Variants in ROBO2 observed in about 807,000 individuals in gnomAD.
The protein encoded by ROBO2 is roundabout homolog 2.
Under a neutral mutation model 160.8 loss-of-function variants are expected in ROBO2, and 53 were observed. The ratio of observed to expected loss-of-function variants is 0.33; its 90% confidence interval spans 0.26 to 0.41. The LOEUF (loss-of-function observed/expected upper bound fraction) is 0.41. Among genes scored for constraint, ROBO2 ranks in the 10% least tolerant of loss-of-function variants. The pLI is 1.00. For missense variants in ROBO2, 1,577 were observed against 1,722.4 expected (o/e 0.92, Z 1.49); for synonymous variants, 664 against 611.7 (o/e 1.09, Z -1.26).
intron 2 of ROBO2, among the ~76,000 whole-genome samples, chr3:75,995,224 C>T (rs1186725536): frequency 6.6e-6 from 1 of 152,106 alleles, no homozygotes; most frequent in Non-Finnish European, 1.5e-5. Flanking sequence ...TCACAGCAGC[C>T]CTTCCCATCA....
intron 2 of ROBO2, among the ~76,000 whole-genome samples, chr3:76,779,636 A>G (rs1164706524): frequency 1.3e-5 from 2 of 151,052 alleles, no homozygotes; most frequent in Non-Finnish European, 3.0e-5. Context: ...TTCACTTGGC[A>G]TAATGTCCTC....
At chr3:76,894,470 A>G (rs2074611013) in intron 2 of ROBO2, among the ~76,000 whole-genome samples, 1 of 152,122 alleles carries the variant, frequency 6.6e-6, no homozygotes, top group African/African-American at 2.4e-5. Context: ...AGGTAAAATA[A>G]TTTCTCATTG....
At chr3:76,282,004 T>G (rs1708257849) in intron 2 of ROBO2, among the ~76,000 whole-genome samples, 1 of 152,052 alleles carries the variant, frequency 6.6e-6, no homozygotes. Context: ...GATAAGACTT[T>G]AAAGTTACAT....
intron 2 of ROBO2, among the ~76,000 whole-genome samples, chr3:77,181,981 T>C (rs555320270): frequency 6.6e-6 from 1 of 152,210 alleles, no homozygotes; most frequent in South Asian, 2.1e-4. Context: ...ACAAAATCAG[T>C]ATGATTTTAG....
At chr3:76,215,282 T>A (rs1477436696) in intron 2 of ROBO2, among the ~76,000 whole-genome samples, 1 of 152,134 alleles carries the variant, frequency 6.6e-6, no homozygotes, top group Non-Finnish European at 1.5e-5. Flanking sequence ...ATGCAGCTCA[T>A]CACCAGCAAT....
intron 2 of ROBO2, among the ~76,000 whole-genome samples, chr3:77,135,245 G>C (rs2076185048): frequency 6.6e-6 from 1 of 152,086 alleles, no homozygotes; most frequent in African/African-American, 2.4e-5. Flanking sequence ...CTAGTTTTAG[G>C]ATATGAAGAG....
chr3:77,163,603 G>A (rs2078684116), intron 2 of ROBO2, among the ~76,000 whole-genome samples: 1 of 152,164 alleles, frequency 6.6e-6, no homozygotes, highest in Non-Finnish European at 1.5e-5. Flanking sequence ...ATTGTCGCAT[G>A]CTACAGTATT....
intron 2 of ROBO2, among the ~76,000 whole-genome samples, chr3:77,407,178 C>T (rs571712397): frequency 1.3e-5 from 2 of 151,988 alleles, no homozygotes; most frequent in Non-Finnish European, 2.9e-5. Context: ...AAGGAATGGA[C>T]AGTATTCACA....
chr3:77,417,925 A>T (rs1307685073), intron 2 of ROBO2, among the ~76,000 whole-genome samples: 1 of 151,494 alleles, frequency 6.6e-6, no homozygotes, highest in African/African-American at 2.4e-5. Context: ...CATGTTACAT[A>T]TTTTTTAAAG....
chr3:76,127,597 A>AAATATATATATAT (rs879328622), intron 2 of ROBO2, among the ~76,000 whole-genome samples: 14 of 118,402 alleles, frequency 1.2e-4, no homozygotes, highest in Admixed American at 1.2e-3. Context: ...GGTTTGAAAA[A>AAATATATATATAT]ATATATATAT....
intron 2 of ROBO2, among the ~76,000 whole-genome samples, chr3:76,908,421 A>G (rs773570601): frequency 2.6e-4 from 40 of 152,138 alleles, no homozygotes; most frequent in Non-Finnish European, 5.4e-4. Context: ...ACAGACCCAG[A>G]TATATCAGTC....
intron 2 of ROBO2, among the ~76,000 whole-genome samples, chr3:76,181,872 C>T (rs937402903): frequency 2.0e-5 from 3 of 152,116 alleles, no homozygotes; most frequent in Non-Finnish European, 2.9e-5. Flanking sequence ...CTGCATGCCA[C>T]ATTTTTATTA....
At chr3:77,376,771 A>G (rs1356427010) in intron 2 of ROBO2, among the ~76,000 whole-genome samples, 2 of 152,186 alleles carry the variant, frequency 1.3e-5, no homozygotes, top group Non-Finnish European at 2.9e-5. Flanking sequence ...TGTACTCAAC[A>G]CTAGCAGAGG....
chr3:76,037,968 G>T (rs1449567289), intron 2 of ROBO2, among the ~76,000 whole-genome samples: 1 of 152,034 alleles, frequency 6.6e-6, no homozygotes, highest in Non-Finnish European at 1.5e-5. Context: ...ATCAGAATAT[G>T]CAGAGCTTTG....
chr3:76,689,874 T>C (rs1201591246), intron 2 of ROBO2, among the ~76,000 whole-genome samples: 1 of 152,182 alleles, frequency 6.6e-6, no homozygotes, highest in Non-Finnish European at 1.5e-5. Flanking sequence ...TTCTGACCTT[T>C]CTTTACTCTT....
At chr3:77,004,112 A>G (rs1372988762) in intron 2 of ROBO2, among the ~76,000 whole-genome samples, 1 of 152,196 alleles carries the variant, frequency 6.6e-6, no homozygotes, top group Non-Finnish European at 1.5e-5. Flanking sequence ...ATCAAAGATA[A>G]TTAACTTTTA....
intron 2 of ROBO2, among the ~76,000 whole-genome samples, chr3:76,773,992 C>G (rs1048256637): frequency 3.3e-5 from 5 of 150,828 alleles, no homozygotes; most frequent in African/African-American, 1.2e-4. Context: ...TTTCCCTAGA[C>G]TGCTACAAAT....
chr3:76,223,044 C>T (rs1195401839), intron 2 of ROBO2, among the ~76,000 whole-genome samples: 8 of 151,744 alleles, frequency 5.3e-5, no homozygotes, highest in East Asian at 2.0e-4. Flanking sequence ...CATGCGCCAC[C>T]GCACGCAGCC....
chr3:76,325,271 T>A (rs2072917537), intron 2 of ROBO2, among the ~76,000 whole-genome samples: 1 of 152,206 alleles, frequency 6.6e-6, no homozygotes, highest in African/African-American at 2.4e-5. Flanking sequence ...TGTCAACTTT[T>A]ATGGTATCAA....
Sources: gnomAD v4.1 joint callset for allele counts (sites outside exome capture counted in the v4.1 genomes callset) on GRCh38, gnomAD v4.1.1 for gene constraint, MANE v1.5 for transcripts, NCBI Gene and HGNC (gene_info 2026-07-23, HGNC 2026-07-21) for gene names.